LRP1B: variants seen among roughly 807,000 people sequenced by gnomAD.
LRP1B encodes the protein LDL receptor related protein 1B, also known as low-density lipoprotein receptor-related protein 1B.
Under a neutral mutation model 556.6 loss-of-function variants are expected in LRP1B, and 217 were observed. That is an observed-to-expected ratio of 0.39 (90% CI 0.35 to 0.44). The LOEUF is 0.44. Among genes scored for constraint, LRP1B ranks in the 20% least tolerant of loss-of-function variants. LRP1B has a pLI of 1.00. For synonymous variants in LRP1B, 2,047 were observed against 1,865.8 expected, an observed-to-expected ratio of 1.10 and a Z score of -2.50; for missense variants, 5,053 against 5,620.8, an observed-to-expected ratio of 0.90 and a Z score of 3.23.
chr2:141,663,285 C>A (rs979012879), intron 2 of LRP1B, among the ~76,000 whole-genome samples: 3 of 151,662 alleles, frequency 2.0e-5, no homozygotes, highest in Non-Finnish European at 4.4e-5. Context: ...AATTAGAGAA[C>A]CAAGAGCAAA....
intron 2 of LRP1B, among the ~76,000 whole-genome samples, chr2:141,528,700 T>G (rs184125060): frequency 5.0e-4 from 76 of 152,254 alleles, no homozygotes; most frequent in African/African-American, 1.8e-3. Context: ...AAATTAGAAC[T>G]AGGGTAAAAA....
chr2:140,386,934 T>C (rs1206924746), intron 66 of LRP1B, among the ~76,000 whole-genome samples: 1 of 152,208 alleles, frequency 6.6e-6, no homozygotes, highest in African/African-American at 2.4e-5. Flanking sequence ...GGAATTTTGC[T>C]ATAATGGAAA....
At chr2:141,117,540 GTTTAAA>G (rs1700937321) in intron 7 of LRP1B, among the ~76,000 whole-genome samples, 1 of 151,932 alleles carries the variant, frequency 6.6e-6, no homozygotes, top group Non-Finnish European at 1.5e-5. Flanking sequence ...TATCACAATA[GTTTAAA>G]TTTATTAGAC....
intron 2 of LRP1B, among the ~76,000 whole-genome samples, chr2:141,763,887 C>G (rs1042175545): frequency 4.0e-5 from 1 of 24,844 alleles, no homozygotes; most frequent in African/African-American, 8.0e-5. Flanking sequence ...GCTTGATAAT[C>G]CTGAAGGAAG....
intron 16 of LRP1B, among the ~76,000 whole-genome samples, chr2:140,992,946 G>A (rs560690319): frequency 1.2e-3 from 189 of 151,920 alleles, no homozygotes; most frequent in African/African-American, 4.3e-3. Flanking sequence ...CTATATTTAC[G>A]CATTTATTAT....
chr2:140,889,281 A>G (rs1261466790), intron 23 of LRP1B, among the ~76,000 whole-genome samples: 1 of 152,104 alleles, frequency 6.6e-6, no homozygotes, highest in Non-Finnish European at 1.5e-5. Context: ...AGTGCTTCCT[A>G]TATACTGTAA....
chr2:140,302,102 A>G (rs543616555), intron 83 of LRP1B, among the ~76,000 whole-genome samples: 7 of 151,872 alleles, frequency 4.6e-5, no homozygotes, highest in African/African-American at 1.7e-4. Context: ...AGCTTTATTG[A>G]TTTCTCTTTT....
chr2:141,728,957 G>T (rs1292970540), intron 2 of LRP1B, among the ~76,000 whole-genome samples: 2 of 152,150 alleles, frequency 1.3e-5, no homozygotes, highest in Admixed American at 6.6e-5. Flanking sequence ...GGTGCCAGGA[G>T]TGCTGTGTCT....
At chr2:141,529,996 TTAA>T (rs1684817687) in intron 2 of LRP1B, among the ~76,000 whole-genome samples, 2 of 152,134 alleles carry the variant, frequency 1.3e-5, no homozygotes, top group Admixed American at 6.5e-5. Flanking sequence ...AGGACATCAT[TTAA>T]ACTATCACTG....
chr2:140,558,143 G>A (rs973834664), intron 43 of LRP1B, among the ~76,000 whole-genome samples: 1 of 152,152 alleles, frequency 6.6e-6, no homozygotes, highest in Non-Finnish European at 1.5e-5. Flanking sequence ...TGGAAAAGTA[G>A]AATTCTCCTA....
intron 1 of LRP1B, among the ~76,000 whole-genome samples, chr2:142,012,451 AAAG>A (rs1176232078): frequency 6.6e-6 from 1 of 152,154 alleles, no homozygotes; most frequent in Non-Finnish European, 1.5e-5. Context: ...AGGTTTTTAC[AAAG>A]AAGTTGAACT....
At chr2:141,486,875 G>A (rs4446017) in intron 2 of LRP1B, among the ~76,000 whole-genome samples, 148,283 of 152,206 alleles carry the variant, frequency 0.97, 72,344 homozygotes, top group East Asian at 1. Context: ...CCCATGTCAC[G>A]CTAGCCTCTG....
intron 1 of LRP1B, among the ~76,000 whole-genome samples, chr2:141,817,040 G>GA (rs34525664): frequency 6.6e-6 from 1 of 151,286 alleles, no homozygotes. Context: ...GGAGTCAAAT[G>GA]AAAAAAAATT....
intron 35 of LRP1B, among the ~76,000 whole-genome samples, chr2:140,748,654 A>G (rs1341011010): frequency 1.7e-5 from 2 of 120,550 alleles, no homozygotes; most frequent in East Asian, 5.1e-4. Flanking sequence ...CAGATGTGAT[A>G]CCAAAAGCTG....
At chr2:141,419,155 C>G (rs544072193) in intron 3 of LRP1B, among the ~76,000 whole-genome samples, 2 of 152,116 alleles carry the variant, frequency 1.3e-5, no homozygotes, top group South Asian at 4.1e-4. Flanking sequence ...AGAAGAATAA[C>G]AGTGGGCATC....
At chr2:140,867,531 A>T (rs2105152873) in intron 27 of LRP1B, 59 bp downstream of exon 27, 1 of 1,488,716 alleles carries the variant, frequency 6.7e-7, no homozygotes, top group African/African-American at 1.4e-5. Context: ...TTCAAATATT[A>T]TATGATTAAG....
intron 1 of LRP1B, among the ~76,000 whole-genome samples, chr2:141,980,054 G>A (rs1702000298): frequency 6.6e-6 from 1 of 152,026 alleles, no homozygotes; most frequent in Non-Finnish European, 1.5e-5. Context: ...CCAAATCATT[G>A]AATATCCTAA....
chr2:141,324,487 C>T lies in LRP1B; in HGVS notation c.344-69846G>A, dbSNP rs79882236. Among the ~76,000 whole-genome samples, 1,065 of 152,108 alleles carry T rather than the reference C, an allele frequency of 7.0e-3. 12 individuals carry two copies. Among genetic ancestry groups the T allele is most frequent in the African/African-American group, 0.024 (1,005 of 41,506 alleles). On this transcript the variant is annotated intron_variant, in intron 3 of 90. Transcript: ENST00000389484. ...CCTTTCTATCTTTCCCTTGATAATTCAATTTTTAAATATCAGTTATATCAA... is the reference window on the plus strand; with the variant it reads ...CCTTTCTATCTTTCCCTTGATAATTTAATTTTTAAATATCAGTTATATCAA...
rs139901295 is a variant in LRP1B, at chr2:140,923,025, C to T, written c.3259G>A (p.Gly1087Ser). The T allele has an allele frequency of 4.3e-4, 697 of 1,613,144 alleles. No individual in the cohort carries two copies. Among genetic ancestry groups the T allele is most frequent in the Non-Finnish European group, 4.8e-4 (568 of 1,179,368 alleles). ...KDCEDGSDEK[G>S]CNGTIRLCDH... The stretch of plus-strand genomic sequence containing the variant: ...CACAATCGTATGGTACCATTGCAAC[C>T]TTTTTCATCACTACCATCTTCACAG... Residue 1087 changes from glycine to serine, a missense_variant, in exon 21 of 91, where the codon GGT becomes AGT. Gly to Ser is a moderately conservative substitution (Grantham distance 56). Transcript: ENST00000389484.
Sources: allele counts gnomAD v4.1 joint callset (sites outside exome capture counted in the v4.1 genomes callset), GRCh38; gene constraint gnomAD v4.1.1; transcripts MANE v1.5; gene names NCBI Gene and HGNC (gene_info 2026-07-23, HGNC 2026-07-21).